DGKH: variants seen among roughly 807,000 people sequenced by gnomAD.
DGKH encodes diacylglycerol kinase eta.
Under a neutral mutation model 159.3 loss-of-function variants are expected in DGKH, and 90 were observed. That is an observed-to-expected ratio of 0.57 (90% CI 0.48 to 0.67). The LOEUF (loss-of-function observed/expected upper bound fraction) is 0.67, where lower values mean the gene tolerates loss of function less well. DGKH is among the 30% of genes least tolerant of loss of function. The pLI, the probability that DGKH is intolerant of heterozygous loss-of-function variation, is 0.00. For missense variants in DGKH, 1,181 were observed against 1,506.1 expected, an observed-to-expected ratio of 0.78 and a Z score of 3.57; for synonymous variants, 536 against 553.8, an observed-to-expected ratio of 0.97 and a Z score of 0.45.
At position 42,190,425 on chromosome 13, in the gene DGKH, C is replaced by A; in HGVS notation, c.1935C>A (p.His645Gln). Residue 645 changes from histidine to glutamine, a missense_variant, in exon 16 of 30, where the codon CAC (histidine) becomes CAA (glutamine). Around this residue, in one of 5 missense-constraint regions of DGKH, gnomAD observed 257 missense variants for 281.5 expected, o/e 0.91. Transcript: ENST00000337343. ...AAGTTATGGATGACCCGACAGTTCA[C>A]CCCTGTGAACCAGCTAATCAGTCCT... ...AGKVMDDPTV[H>Q]PCEPANQSSD... The A allele has an allele frequency of 6.2e-7, 1 of 1,608,790 alleles. No individual in the cohort carries two copies. Among genetic ancestry groups the A allele is most frequent in the Non-Finnish European group, 8.5e-7 (1 of 1,178,262 alleles).
Position 42,221,694 on chromosome 13 carries a change from T to C in DGKH, c.3573+300T>C, listed in dbSNP as rs138389428. Among the ~76,000 whole-genome samples, 10 of 152,344 alleles carry C rather than the reference T, an allele frequency of 6.6e-5. No individual in the cohort carries two copies. The East Asian group carries it at 1.9e-3, about 29-fold the overall frequency. Reference sequence around the variant, plus strand: ...TATTTCCAAATGGATCATGTTTCCATCAGCTCATTTTATTGCATCAGCATG... The same window carrying C: ...TATTTCCAAATGGATCATGTTTCCACCAGCTCATTTTATTGCATCAGCATG... On this transcript the variant is annotated intron_variant, in intron 29 of 29. Transcript: ENST00000337343.
rs529898598 is a variant in DGKH at position 42,242,756 on chromosome 13, G to A, written c.*13568G>A. 7.9e-5 allele frequency: 12 copies of A among 152,144 alleles called. No homozygotes were observed. The highest frequency in any genetic ancestry group is 3.9e-4 in the Admixed American group (6 of 15,292). 9.4% of individuals were successfully genotyped at this position (152,144 alleles called of 1,614,324 possible). A position where few individuals can be genotyped will look rare whatever the true frequency, so the allele number is the denominator to read the frequency against. ...ATGCATGATTATGTATTTATTGTAC[G>A]GAAGTCACTGACGTGTGTATTTTTG... On this transcript the variant is annotated 3_prime_UTR_variant, in exon 30 of 30. Transcript: ENST00000337343.
intron 20 of DGKH, among the ~76,000 whole-genome samples, chr13:42,202,149 G>A (rs965400014): frequency 1.3e-5 from 2 of 152,118 alleles, no homozygotes; most frequent in African/African-American, 4.8e-5. Flanking sequence ...AGTAAAACAA[G>A]ATAAATGAAA....
Position 42,159,244 on chromosome 13 carries a change from CTT to C in DGKH, c.623-4_623-3del, listed in dbSNP as rs57531279. Reference sequence around the variant, plus strand: ...TCTTGTCCACTTAAAAGCAGTTGCTCTTTTTTTTTTTTTTTTTTTAGTGTGTA... The same window carrying C: ...TCTTGTCCACTTAAAAGCAGTTGCTCTTTTTTTTTTTTTTTTTAGTGTGTA... On this transcript the variant is annotated intron_variant, in intron 5 of 29. Transcript: ENST00000337343. 6,462 of 214,460 alleles carry C rather than the reference CTT, an allele frequency of 0.03. 44 individuals carry two copies. The highest frequency in any genetic ancestry group is 0.082 in the East Asian group (926 of 11,348). 13.3% of individuals were successfully genotyped at this position (214,460 alleles called of 1,614,324 possible). A position where few individuals can be genotyped will look rare whatever the true frequency, so the allele number is the denominator to read the frequency against.
intron 1 of DGKH, among the ~76,000 whole-genome samples, chr13:42,057,852 A>T (rs1340276742): frequency 6.6e-6 from 1 of 152,054 alleles, no homozygotes; most frequent in African/African-American, 2.4e-5. Context: ...TGGAGTGGGA[A>T]GGGATTTTTA....
Position 42,199,838 on chromosome 13 carries a change from T to A in DGKH, c.2422T>A (p.Tyr808Asn), listed in dbSNP as rs1219473707. ...CRSRTKNLMWYGVLGTRELLQ... is the reference protein window; with the variant it reads ...CRSRTKNLMWNGVLGTRELLQ... ...GAGCCGAACTAAAAACTTGATGTGG[T>A]ATGGAGTCCTTGGAACCCGGGAGTT... The change falls in exon 20 of 30, where the codon TAT (tyrosine) becomes AAT (asparagine). Residue 808 changes from tyrosine (Y) to asparagine (N), a missense_variant. Physicochemically the swap from Tyr to Asn is moderately radical, Grantham distance 143. Around this residue, in one of 5 missense-constraint regions of DGKH, gnomAD observed 335 missense variants for 495.2 expected, o/e 0.68. Coordinates refer to ENST00000337343, the MANE Select transcript of DGKH (RefSeq NM_178009.5). 1 of 1,612,260 alleles carries A rather than the reference T, an allele frequency of 6.2e-7. No individual in the cohort carries two copies. The highest frequency in any genetic ancestry group is 8.5e-7 in the Non-Finnish European group (1 of 1,179,392).
chr13:42,062,183 G>GT (rs1209650337), intron 1 of DGKH, among the ~76,000 whole-genome samples: 3 of 152,170 alleles, frequency 2.0e-5, no homozygotes, highest in African/African-American at 7.2e-5. Flanking sequence ...GTCATCCTCT[G>GT]TACAGTCATG....
In DGKH at chr13:42,125,364, C is replaced by G. The variant is rs117809603; in HGVS notation, c.193-2099C>G. ...TTCTGCCATCTATTGAATGTTTTCT[C>G]TAACCCAGACAGTGTGCTAAGTGCT... On this transcript the variant is annotated intron_variant, in intron 1 of 29. Coordinates refer to ENST00000337343, the MANE Select transcript of DGKH (RefSeq NM_178009.5). Among the ~76,000 whole-genome samples, 784 of 152,330 alleles carry G rather than the reference C, an allele frequency of 5.1e-3. 25 individuals carry two copies. The East Asian group carries it at 0.083, about 16-fold the overall frequency.
chr13:42,159,876 T>TG lies in DGKH; in HGVS notation c.730-131dup, dbSNP rs1956135477. 4 of 1,250,602 alleles carry TG rather than the reference T, an allele frequency of 3.2e-6. No homozygotes were observed. The Admixed American group carries it at 8.9e-5, about 28-fold the overall frequency. The allele number at this position is 1,250,602 out of a possible 1,614,324, so 77.5% of individuals were successfully genotyped here. ...GTTCATAATAGATGCTCAATAAACG[T>TG]GGGGTAAATGAGTGAATGCTATGCA... On this transcript the variant is annotated intron_variant, in intron 6 of 29. Coordinates refer to ENST00000337343, the MANE Select transcript of DGKH (RefSeq NM_178009.5).
In DGKH at chr13:42,242,600, G is replaced by A. The variant is rs1233902390; in HGVS notation, c.*13412G>A. ...ATTTATTGCCTACTATTTTAAAGAT[G>A]TTTTATGTGTTTTCACCTTTGGAAT... is the stretch of plus-strand genomic sequence containing the variant. On this transcript the variant is annotated 3_prime_UTR_variant, in exon 30 of 30. Transcript: ENST00000337343. 6.6e-6 allele frequency: 1 copy of A among 152,126 alleles called. No homozygotes were observed. The highest frequency in any genetic ancestry group is 2.4e-5 in the African/African-American group (1 of 41,440). The allele number at this position is 152,126 out of a possible 1,614,324, so 9.4% of individuals were successfully genotyped here.
At chr13:42,041,352 A>C (rs1279812411) in intron 1 of DGKH, among the ~76,000 whole-genome samples, 2 of 151,992 alleles carry the variant, frequency 1.3e-5, no homozygotes, top group Non-Finnish European at 2.9e-5. Flanking sequence ...TCCCGGGGAC[A>C]CGCGCCTGGA....
At chr13:42,152,512 T>TTA (rs527802198) in intron 3 of DGKH, among the ~76,000 whole-genome samples, 47 of 148,034 alleles carry the variant, frequency 3.2e-4, no homozygotes, top group South Asian at 1.5e-3. Flanking sequence ...CATATATATA[T>TTA]TATATATATA....
intron 1 of DGKH, among the ~76,000 whole-genome samples, chr13:42,107,856 G>A (rs984800559): frequency 1.3e-5 from 2 of 152,176 alleles, no homozygotes; most frequent in Admixed American, 1.3e-4. Context: ...GCCCCTGATG[G>A]GGGAGCTGAG....
chr13:42,218,045 C>T (rs1957851243), intron 26 of DGKH, among the ~76,000 whole-genome samples: 1 of 152,060 alleles, frequency 6.6e-6, no homozygotes, highest in Non-Finnish European at 1.5e-5. Flanking sequence ...AAATCATCAT[C>T]ATCATCATCA....
intron 1 of DGKH, among the ~76,000 whole-genome samples, chr13:42,117,248 A>G (rs1311805368): frequency 6.6e-6 from 1 of 152,202 alleles, no homozygotes; most frequent in African/African-American, 2.4e-5. Context: ...TTGGTTGAAC[A>G]TTAATATCGA....
intron 29 of DGKH, among the ~76,000 whole-genome samples, chr13:42,224,554 A>G (rs1270084870): frequency 2.6e-5 from 4 of 152,146 alleles, no homozygotes; most frequent in African/African-American, 9.7e-5. Flanking sequence ...AGCATCATCA[A>G]TCAGGTGTAC....
At chr13:42,256,520 C>A in exon 31 of DGKH, 1 of 859,158 alleles carries the variant, frequency 1.2e-6, no homozygotes, top group Non-Finnish European at 2.0e-6. Context: ...TAAGGACATG[C>A]TGAGTCCAAA....
At chr13:42,254,080 T>C (rs955904438) in intron 30 of DGKH, among the ~76,000 whole-genome samples, 1 of 152,114 alleles carries the variant, frequency 6.6e-6, no homozygotes, top group Non-Finnish European at 1.5e-5. Context: ...TATATTGGTG[T>C]AGCATTTTGG....
intron 8 of DGKH, among the ~76,000 whole-genome samples, chr13:42,165,859 C>CTT (rs759821360): frequency 2.8e-4 from 42 of 152,140 alleles, no homozygotes; most frequent in Non-Finnish European, 5.4e-4. Context: ...CAAAATCTTA[C>CTT]AACTTAACTC....
Sources: gnomAD v4.1 joint callset for allele counts (sites outside exome capture counted in the v4.1 genomes callset) on GRCh38, gnomAD v4.1.1 for gene constraint, gnomAD v4.1.1 regional missense constraint, MANE v1.5 for transcripts, NCBI Gene and HGNC (gene_info 2026-07-23, HGNC 2026-07-21) for gene names.